Variants in OGDHL observed in about 807,000 individuals in gnomAD.
OGDHL encodes the protein oxoglutarate dehydrogenase L.
OGDHL carries 79 observed loss-of-function variants against 109.6 expected under a neutral mutation model. That is an observed-to-expected ratio of 0.72 (90% CI 0.60 to 0.87). The LOEUF (loss-of-function observed/expected upper bound fraction) is 0.87. OGDHL is among the 40% of genes least tolerant of loss of function. The pLI, the probability that OGDHL is intolerant of heterozygous loss-of-function variation, is 0.00. For synonymous variants in OGDHL, 528 were observed against 537.2 expected (o/e 0.98, Z 0.24); for missense variants, 1,275 against 1,362.2 (o/e 0.94, Z 1.01).
chr10:49,752,763 G>A, intron 3 of OGDHL, 23 bp from the exon 4 acceptor site: 1 of 1,574,350 alleles, frequency 6.4e-7, no homozygotes. Flanking sequence ...AAAAGAGCAG[G>A]GTGGGGCTGG....
rs533850624 is a variant in OGDHL, at chr10:49,759,646, T to C, written c.-1-1053A>G. 3.3e-5 allele frequency among the ~76,000 whole-genome samples: 5 copies of C among 152,158 alleles called. No individual in the cohort carries two copies. The South Asian group carries it at 1.0e-3, about 32-fold the overall frequency. ...CCCTGCCACCTCATCCTACACATGA[T>C]GTGTAAAGTGGGACCTCTGTTCCCC... On this transcript the variant is annotated intron_variant, in intron 1 of 22. Transcript: ENST00000374103.
In OGDHL at chr10:49,737,974, C is replaced by A; in HGVS notation, c.2490G>T (p.Arg830=). The A allele has an allele frequency of 6.2e-7, 1 of 1,614,134 alleles. No homozygotes were observed. The highest frequency in any genetic ancestry group is 8.5e-7 in the Non-Finnish European group (1 of 1,180,028). ...TPANYFHVLR[R]QILLPFRKPL... is the part of the protein sequence containing the mutation. ...GCTTGCGGAAGGGCAGCAGGATCTG[C>A]CGGCGCAGCACGTGGAAGTAGTTGG... The change falls in exon 19 of 23, where the codon CGG becomes CGT. Residue 830 remains arginine, a synonymous_variant. Coordinates refer to ENST00000374103, the MANE Select transcript of OGDHL (RefSeq NM_018245.3).
At chr10:49,748,742 C>CCACACACA (rs3223401) in intron 8 of OGDHL, among the ~76,000 whole-genome samples, 2,807 of 133,882 alleles carry the variant, frequency 0.021, 39 homozygotes, top group African/African-American at 0.032. Context: ...AGGTATGGGT[C>CCACACACA]CACACACACA....
intron 15 of OGDHL, among the ~76,000 whole-genome samples, chr10:49,741,688 T>C (rs1413611911): frequency 1.6e-5 from 2 of 127,430 alleles, no homozygotes; most frequent in African/African-American, 3.1e-5. Flanking sequence ...CACACACACA[T>C]ACACATCCCC....
chr10:49,739,587 G>C (rs1436668816), intron 17 of OGDHL, 74 bp downstream of exon 17: 5 of 1,538,454 alleles, frequency 3.3e-6, no homozygotes, highest in Non-Finnish European at 4.4e-6. Flanking sequence ...CCCGACAAGG[G>C]GCCCAGGGTC....
intron 22 of OGDHL, 98 bp downstream of exon 22, chr10:49,735,925 G>A: frequency 7.5e-7 from 1 of 1,335,788 alleles, no homozygotes; most frequent in Non-Finnish European, 9.9e-7. Context: ...CCAGAGAAGG[G>A]CAGGGCCAGT....
At position 49,758,404 on chromosome 10, in the gene OGDHL, G is replaced by C; in HGVS notation, c.189C>G (p.Pro63=). Residue 63 remains proline, a synonymous_variant, in exon 2 of 23, where the codon CCC becomes CCG. Coordinates refer to ENST00000374103, the MANE Select transcript of OGDHL (RefSeq NM_018245.3). ...GGATGCTGACCTTGTGGACACTCTG[G>C]GGGTTTTCCAACCAGGCGAAGTACA... ...EEMYFAWLEN[P]QSVHKSWDSF... The C allele has an allele frequency of 6.2e-7, 1 of 1,612,980 alleles. No individual in the cohort carries two copies. The highest frequency in any genetic ancestry group is 8.5e-7 in the Non-Finnish European group (1 of 1,179,604).
chr10:49,752,323 A>G, intron 4 of OGDHL, 75 bp from the exon 5 acceptor site: 1 of 1,097,860 alleles, frequency 9.1e-7, no homozygotes. Context: ...GGAGCCCCGC[A>G]GTCTCACCAG....
intron 2 of OGDHL, 28 bp from the exon 3 acceptor site, chr10:49,756,974 C>A (rs752959515): frequency 6.2e-7 from 1 of 1,601,560 alleles, no homozygotes; most frequent in South Asian, 1.1e-5. Flanking sequence ...AAGAACGCAG[C>A]CAGGTCAGGG....
At chr10:49,753,488 T>C (rs1306028155) in intron 3 of OGDHL, among the ~76,000 whole-genome samples, 1 of 152,210 alleles carries the variant, frequency 6.6e-6, no homozygotes, top group African/African-American at 2.4e-5. Context: ...CTTAGTGGCA[T>C]AAATACAGAG....
At chr10:49,761,695 C>A (rs1843294009) in intron 1 of OGDHL, among the ~76,000 whole-genome samples, 2 of 152,216 alleles carry the variant, frequency 1.3e-5, no homozygotes, top group Admixed American at 1.3e-4. Context: ...GTCCCCCTCC[C>A]ACATCTCCCG....
At chr10:49,762,100 T>TC in intron 1 of OGDHL, 139 bp downstream of exon 1, 1 of 152,818 alleles carries the variant, frequency 6.5e-6, no homozygotes, top group Non-Finnish European at 1.4e-5. Flanking sequence ...CTCCTCCCCC[T>TC]CCCCCCGGCG....
At chr10:49,735,923 G>A in intron 22 of OGDHL, 100 bp downstream of exon 22, 1 of 1,331,666 alleles carries the variant, frequency 7.5e-7, no homozygotes, top group South Asian at 1.7e-5. Flanking sequence ...CACCAGAGAA[G>A]GGCAGGGCCA....
At position 49,738,031 on chromosome 10, in the gene OGDHL, G is replaced by A. The variant is rs755060198; in HGVS notation, c.2433C>T (p.Cys811=). The part of the protein sequence containing the change: ...KDFEVSQLYD[C]NWIVVNCSTP... ...TGGAGCAGTTGACCACGATCCAGTTGCAGTCATAGAGCTGGCTCACCTCGA... is the reference window on the plus strand; with the variant it reads ...TGGAGCAGTTGACCACGATCCAGTTACAGTCATAGAGCTGGCTCACCTCGA... The change falls in exon 19 of 23, where the codon TGC becomes TGT. Residue 811 remains cysteine, a synonymous_variant. Transcript: ENST00000374103. 2 of 1,614,206 alleles carry A rather than the reference G, an allele frequency of 1.2e-6. No individual in the cohort carries two copies. The highest frequency in any genetic ancestry group is 2.2e-5 in the South Asian group (2 of 91,086).
chr10:49,742,575 C>A (rs988491487), intron 15 of OGDHL, among the ~76,000 whole-genome samples: 5 of 130,122 alleles, frequency 3.8e-5, no homozygotes, highest in South Asian at 2.7e-4. Context: ...CACACACCCC[C>A]CACACACACA....
At chr10:49,761,174 C>T (rs938081042) in intron 1 of OGDHL, among the ~76,000 whole-genome samples, 1 of 152,126 alleles carries the variant, frequency 6.6e-6, no homozygotes, top group Non-Finnish European at 1.5e-5. Context: ...GAGTCAGGTG[C>T]CCTGTGCAAC....
chr10:49,752,364 G>A, intron 4 of OGDHL, 116 bp from the exon 5 acceptor site: 1 of 812,290 alleles, frequency 1.2e-6, no homozygotes. Context: ...CCCTCCCTCT[G>A]GGTCCAACCT....
Position 49,755,509 on chromosome 10 carries a change from C to T in OGDHL, c.375+1267G>A, listed in dbSNP as rs1588798897. 2.0e-5 allele frequency among the ~76,000 whole-genome samples: 3 copies of T among 152,160 alleles called. No individual in the cohort carries two copies. The South Asian group carries it at 6.2e-4, about 32-fold the overall frequency. ...TGATTGATGGGTGGTGGGCTCACTG[C>T]ACTATCCTTCTGCCTTTTATATGTT... On this transcript the variant is annotated intron_variant, in intron 3 of 22. Transcript: ENST00000374103.
Position 49,738,253 on chromosome 10 carries a change from G to A in OGDHL, c.2329C>T (p.His777Tyr). 2 of 1,612,948 alleles carry A rather than the reference G, an allele frequency of 1.2e-6. No individual in the cohort carries two copies. Among genetic ancestry groups the A allele is most frequent in the Non-Finnish European group, 1.7e-6 (2 of 1,180,022 alleles). ...AACCTTTCGGGCCTCGCTGACGAGT[G>A]CTCTGGGCCCTGAAAGCAAACGCCA... ...PHGMEGMGPE[H>Y]SSARPERFLQ... Residue 777 changes from histidine (H) to tyrosine (Y), a missense_variant, in exon 18 of 23, where the codon CAC becomes TAC. Transcript: ENST00000374103.
Sources: gnomAD v4.1 joint callset for allele counts (sites outside exome capture counted in the v4.1 genomes callset) on GRCh38, gnomAD v4.1.1 for gene constraint, MANE v1.5 for transcripts, NCBI Gene and HGNC (gene_info 2026-07-23, HGNC 2026-07-21) for gene names.